The following OCA2 variants were observed in gnomAD, a reference collection of about 807,000 sequenced individuals.
OCA2 encodes P protein.
A neutral mutation model predicts 100.2 loss-of-function variants in OCA2; 77 were observed. The ratio of observed to expected loss-of-function variants is 0.77; its 90% CI spans 0.64 to 0.93. The LOEUF is 0.93. OCA2 is among the 40% of genes least tolerant of loss of function. The pLI is 0.00. For synonymous variants in OCA2, 432 were observed against 439.2 expected, an observed-to-expected ratio of 0.98 and a Z score of 0.21; for missense variants, 1,062 against 1,089.1, an observed-to-expected ratio of 0.98 and a Z score of 0.35.
chr15:27,787,326 T>A (rs1457292069), intron 23 of OCA2, among the ~76,000 whole-genome samples: 1 of 152,116 alleles, frequency 6.6e-6, no homozygotes, highest in Non-Finnish European at 1.5e-5. Context: ...TAGTGGTATA[T>A]TTTTCTAAAT....
intron 19 of OCA2, among the ~76,000 whole-genome samples, chr15:27,887,535 G>T (rs146567923): frequency 3.4e-4 from 52 of 151,164 alleles, no homozygotes; most frequent in African/African-American, 1.1e-3. Context: ...CCTCACACCT[G>T]GGATCTCAGG....
At chr15:27,932,879 T>G in intron 18 of OCA2, among the ~76,000 whole-genome samples, 1 of 151,402 alleles carries the variant, frequency 6.6e-6, no homozygotes, top group African/African-American at 2.4e-5. Flanking sequence ...AAAATAATAA[T>G]AATAACCCCG....
At position 27,957,584 on chromosome 15, in the gene OCA2, G is replaced by T; in HGVS notation, c.1784+4C>A. ...CACAGTCTGAGCAGGACCCCGCCCG[G>T]TACCTGTGGAAGGTGTGCAGCCTCC... On this transcript the variant is annotated splice_donor_region_variant and intron_variant, in intron 16 of 23. Coordinates refer to ENST00000354638, the MANE Select transcript of OCA2 (RefSeq NM_000275.3). This position sits in a 1 kb window ranked among gnomAD's most constrained non-coding sequence, Gnocchi z 4.3. 6.2e-7 allele frequency: 1 copy of T among 1,612,316 alleles called. No homozygotes were observed. Among genetic ancestry groups the T allele is most frequent in the South Asian group, 1.1e-5 (1 of 91,056 alleles).
chr15:28,074,251 T>C (rs572278979), intron 2 of OCA2, among the ~76,000 whole-genome samples: 1 of 152,226 alleles, frequency 6.6e-6, no homozygotes, highest in African/African-American at 2.4e-5. Context: ...AATAGAGATT[T>C]CAGGGGGCCA....
At chr15:27,871,570 TGGGGC>T (rs2036575429) in intron 20 of OCA2, among the ~76,000 whole-genome samples, 1 of 152,192 alleles carries the variant, frequency 6.6e-6, no homozygotes, top group Non-Finnish European at 1.5e-5. Flanking sequence ...GGCAGACCCC[TGGGGC>T]TGGGGCGCCT....
intron 23 of OCA2, among the ~76,000 whole-genome samples, chr15:27,812,429 G>A (rs1187146988): frequency 6.6e-6 from 1 of 152,192 alleles, no homozygotes; most frequent in African/African-American, 2.4e-5. Context: ...CTCATGCACA[G>A]GCAATGACAG....
chr15:27,766,722 G>A (rs1409357319), intron 23 of OCA2, among the ~76,000 whole-genome samples: 2 of 152,178 alleles, frequency 1.3e-5, no homozygotes, highest in Admixed American at 1.3e-4. Flanking sequence ...TTTTCCCTGA[G>A]GCACAGTCTC....
rs12440216 is a variant in OCA2, at chr15:27,926,524, T to A, written c.1952-270A>T. The stretch of plus-strand genomic sequence containing the variant: ...TAGCTCCTCTTGTCAACCCCCACAC[T>A]CCCAGTAAACCATTCATCTCTTTTC... On this transcript the variant is annotated intron_variant, in intron 18 of 23. Transcript: ENST00000354638. Among the ~76,000 whole-genome samples the A allele has an allele frequency of 0.19, 29,357 of 152,122 alleles. 4,140 individuals are homozygous for A. The highest frequency in any genetic ancestry group is 0.62 in the East Asian group (3,213 of 5,168).
intron 19 of OCA2, among the ~76,000 whole-genome samples, chr15:27,914,129 CA>C: frequency 6.6e-6 from 1 of 152,066 alleles, no homozygotes; most frequent in Admixed American, 6.5e-5. Context: ...TAATTAAAAA[CA>C]AAAACCACAT....
At chr15:27,731,781 T>C in the OCA2 span, among the ~76,000 whole-genome samples, 2 of 152,232 alleles carry the variant, frequency 1.3e-5, no homozygotes, top group African/African-American at 4.8e-5. Context: ...GAATCTCCTT[T>C]AAATAGATGC....
chr15:27,770,871 C>CTCCTTCCTTTGCTCCTTCCCATCCCCTTT (rs1566949194), intron 23 of OCA2, among the ~76,000 whole-genome samples: 15 of 116,810 alleles, frequency 1.3e-4, no homozygotes, highest in Non-Finnish European at 2.5e-4. Context: ...CCTTCCTTCC[C>CTCCTTCCTTTGCTCCTTCCCATCCCCTTT]TCCTTCCTTT....
At chr15:28,007,690 A>G (rs571176024) in intron 9 of OCA2, among the ~76,000 whole-genome samples, 4 of 151,748 alleles carry the variant, frequency 2.6e-5, no homozygotes, top group South Asian at 4.2e-4. Context: ...AGATTGCACT[A>G]TTGCACTCCA....
intron 14 of OCA2, among the ~76,000 whole-genome samples, chr15:27,982,066 T>TTTTC (rs1567188449): frequency 6.6e-6 from 1 of 151,866 alleles, no homozygotes; most frequent in East Asian, 2.0e-4. Flanking sequence ...TTTGGTTTAT[T>TTTTC]TTTGTTTTGT....
intron 23 of OCA2, among the ~76,000 whole-genome samples, chr15:27,835,362 AG>A (rs1452655472): frequency 6.6e-6 from 1 of 152,162 alleles, no homozygotes; most frequent in Non-Finnish European, 1.5e-5. Context: ...CCCTGTTTCT[AG>A]GGCCTGTGAT....
chr15:27,983,777 A>G (rs2041250973), intron 13 of OCA2, among the ~76,000 whole-genome samples: 1 of 151,794 alleles, frequency 6.6e-6, no homozygotes, highest in African/African-American at 2.4e-5. Context: ...ACTGGCCCCC[A>G]GGGCAGGGCA....
intron 4 of OCA2, 21 bp downstream of exon 4, chr15:28,027,850 G>A: frequency 1.2e-6 from 2 of 1,611,184 alleles, no homozygotes; most frequent in Non-Finnish European, 8.5e-7. Context: ...CTGCCAGGGT[G>A]GGCACCCCAA....
intron 19 of OCA2, among the ~76,000 whole-genome samples, chr15:27,904,473 G>A (rs1264084860): frequency 1.3e-5 from 2 of 152,270 alleles, no homozygotes; most frequent in East Asian, 3.9e-4. Flanking sequence ...CTACTAGGGA[G>A]GTGCGGGGGT....
chr15:28,081,998 G>A (rs1049136207), intron 1 of OCA2, 103 bp from the exon 2 acceptor site: 13 of 954,746 alleles, frequency 1.4e-5, no homozygotes, highest in Non-Finnish European at 1.9e-5. Flanking sequence ...TTCGGAGGCG[G>A]TCCCAGAGTT....
chr15:27,907,295 C>A (rs1305049748), intron 19 of OCA2, among the ~76,000 whole-genome samples: 1 of 152,070 alleles, frequency 6.6e-6, no homozygotes, highest in African/African-American at 2.4e-5. Context: ...TGAAACAATT[C>A]TTGTGGGAAA....
Sources: gnomAD v4.1 joint callset for allele counts (sites outside exome capture counted in the v4.1 genomes callset) on GRCh38, gnomAD v4.1.1 for gene constraint, Gnocchi (gnomAD v3.1) non-coding constraint, MANE v1.5 for transcripts, NCBI Gene and HGNC (gene_info 2026-07-23, HGNC 2026-07-21) for gene names.